Variants in ANKRD17 observed in about 807,000 individuals in gnomAD.
ANKRD17 encodes ankyrin repeat domain-containing protein 17.
ANKRD17 carries 19 observed loss-of-function variants against 229.7 expected under a neutral mutation model. The ratio of observed to expected loss-of-function variants is 0.08; its 90% CI spans 0.06 to 0.12. ANKRD17 has a LOEUF of 0.12. ANKRD17 is among the 10% of genes least tolerant of loss of function. ANKRD17 has a pLI of 1.00. For synonymous variants in ANKRD17, 1,112 were observed against 1,146.1 expected, an observed-to-expected ratio of 0.97 and a Z score of 0.60; for missense variants, 2,176 against 3,176.8, an observed-to-expected ratio of 0.68 and a Z score of 7.57.
Position 73,077,358 on chromosome 4 carries a change from A to G in ANKRD17, c.7584T>C (p.Val2528=). The G allele has an allele frequency of 1.2e-6, 2 of 1,600,612 alleles. No homozygotes were observed. The highest frequency in any genetic ancestry group is 1.1e-5 in the South Asian group (1 of 88,306). ...VPAGYMDFPK[V]GGMPFSVYGN... ...TAGTACAAAATCAGGACTTTACCCC[A>G]ACTTTAGGAAAGTCCATGTAGCCTG... Residue 2528 remains valine (V), a synonymous_variant, in exon 32 of 34, where the codon GTT becomes GTC. Coordinates refer to ENST00000358602, the MANE Select transcript of ANKRD17 (RefSeq NM_032217.5).
intron 1 of ANKRD17, among the ~76,000 whole-genome samples, chr4:73,207,797 AG>A (rs1322986606): frequency 1.3e-5 from 2 of 152,254 alleles, no homozygotes; most frequent in African/African-American, 4.8e-5. Flanking sequence ...CAAATCGGAA[AG>A]GAAGAATGGG....
intron 16 of ANKRD17, among the ~76,000 whole-genome samples, chr4:73,126,921 G>A (rs1432135061): frequency 6.6e-6 from 1 of 151,992 alleles, no homozygotes; most frequent in Non-Finnish European, 1.5e-5. Flanking sequence ...TACTCTACAA[G>A]CAACATGTGA....
rs545122920 is a variant in ANKRD17, at chr4:73,246,357, G to A, written c.393+11919C>T. Reference sequence around the variant, plus strand: ...GGTTGGGTGAAAAGAGGGAGAGATAGTTGTTTATTGCTTTATAGATCACTA... The same window carrying A: ...GGTTGGGTGAAAAGAGGGAGAGATAATTGTTTATTGCTTTATAGATCACTA... On this transcript the variant is annotated intron_variant, in intron 1 of 33. Transcript: ENST00000358602. Among the ~76,000 whole-genome samples the A allele has an allele frequency of 3.4e-4, 52 of 152,290 alleles. 1 individual carries two copies. In the South Asian group the frequency reaches 0.011, roughly 31 times the overall value.
chr4:73,246,034 T>TA (rs1448966286), intron 1 of ANKRD17, among the ~76,000 whole-genome samples: 5 of 152,254 alleles, frequency 3.3e-5, no homozygotes, highest in Admixed American at 2.6e-4. Context: ...CCTAGGGATG[T>TA]CACACCCTCC....
chr4:73,230,338 A>T (rs530911627), intron 1 of ANKRD17, among the ~76,000 whole-genome samples: 2 of 151,978 alleles, frequency 1.3e-5, no homozygotes, highest in South Asian at 4.2e-4. Context: ...TTTTTTGCTT[A>T]AACATTTTTC....
In ANKRD17 at chr4:73,215,351, G is replaced by A. The variant is rs191540249; in HGVS notation, c.394-37818C>T. Among the ~76,000 whole-genome samples, 358 of 151,652 alleles carry A rather than the reference G, an allele frequency of 2.4e-3. 3 individuals are homozygous for A. The highest frequency in any genetic ancestry group is 7.9e-3 in the African/African-American group (328 of 41,328). On this transcript the variant is annotated intron_variant, in intron 1 of 33. Transcript: ENST00000358602. The stretch of plus-strand genomic sequence containing the variant: ...CTCGGCTCACTGCAACCTCCGCCTC[G>A]CGGGTTCAAGTGATTCTCCTGCCTC...
At chr4:73,116,880 T>G (rs550506060) in intron 22 of ANKRD17, among the ~76,000 whole-genome samples, 1 of 152,056 alleles carries the variant, frequency 6.6e-6, no homozygotes, top group African/African-American at 2.4e-5. Flanking sequence ...CTATATAATA[T>G]AGTACTCTAG....
At chr4:73,233,477 TTA>T (rs976718499) in intron 1 of ANKRD17, among the ~76,000 whole-genome samples, 1 of 152,200 alleles carries the variant, frequency 6.6e-6, no homozygotes, top group Non-Finnish European at 1.5e-5. Context: ...AAATTTAATT[TTA>T]TGTTGTTTAG....
At chr4:73,108,053 C>CAGT (rs1179411792) in intron 24 of ANKRD17, among the ~76,000 whole-genome samples, 1 of 152,144 alleles carries the variant, frequency 6.6e-6, no homozygotes, top group Non-Finnish European at 1.5e-5. Context: ...AGCTGGAGTA[C>CAGT]AGTAGCACAA....
At chr4:73,153,246 T>C (rs954428797) in intron 6 of ANKRD17, among the ~76,000 whole-genome samples, 1 of 152,298 alleles carries the variant, frequency 6.6e-6, no homozygotes, top group African/African-American at 2.4e-5. Context: ...GACAACTATA[T>C]AGACAGATGA....
intron 3 of ANKRD17, among the ~76,000 whole-genome samples, chr4:73,159,012 C>A (rs945426192): frequency 6.6e-6 from 1 of 152,226 alleles, no homozygotes; most frequent in Non-Finnish European, 1.5e-5. Context: ...AGATGACCTC[C>A]AACCCAAACA....
intron 1 of ANKRD17, among the ~76,000 whole-genome samples, chr4:73,229,220 CAT>C (rs1408730437): frequency 2.0e-5 from 3 of 152,122 alleles, no homozygotes; most frequent in Non-Finnish European, 4.4e-5. Flanking sequence ...CAACATGGCA[CAT>C]GTATACATAT....
intron 3 of ANKRD17, among the ~76,000 whole-genome samples, chr4:73,158,152 A>AAAAAGAAAGAAAGAAAGAAAG (rs1731955605): frequency 7.8e-6 from 1 of 128,708 alleles, no homozygotes; most frequent in Non-Finnish European, 1.6e-5. Context: ...GAAAGGAAGA[A>AAAAAGAAAGAAAGAAAGAAAG]AAAGAAAGAA....
chr4:73,206,413 A>T (rs1739438994), intron 1 of ANKRD17, among the ~76,000 whole-genome samples: 1 of 146,084 alleles, frequency 6.8e-6, no homozygotes, highest in South Asian at 2.2e-4. Flanking sequence ...AAAGAGAGAG[A>T]GAGAAAGAAA....
At chr4:73,241,411 C>T (rs559057985) in intron 1 of ANKRD17, among the ~76,000 whole-genome samples, 1 of 152,148 alleles carries the variant, frequency 6.6e-6, no homozygotes, top group Non-Finnish European at 1.5e-5. Flanking sequence ...TCTATACATA[C>T]AATGGAATAT....
intron 2 of ANKRD17, among the ~76,000 whole-genome samples, chr4:73,169,483 A>G (rs1028437629): frequency 1.3e-5 from 2 of 151,996 alleles, no homozygotes; most frequent in Non-Finnish European, 2.9e-5. Flanking sequence ...GAAAAAAAAA[A>G]GTCTGGCTGG....
At chr4:73,167,870 C>T (rs1019521945) in intron 2 of ANKRD17, among the ~76,000 whole-genome samples, 4 of 151,928 alleles carry the variant, frequency 2.6e-5, no homozygotes, top group African/African-American at 4.8e-5. Context: ...ATTTAAATAC[C>T]GGTTGGGCAC....
At chr4:73,158,436 A>G (rs1165458900) in intron 3 of ANKRD17, among the ~76,000 whole-genome samples, 1 of 152,062 alleles carries the variant, frequency 6.6e-6, no homozygotes, top group Admixed American at 6.6e-5. Flanking sequence ...CCAACCTCCA[A>G]ATATTTGCAT....
chr4:73,213,300 TC>T (rs1165349705), intron 1 of ANKRD17, among the ~76,000 whole-genome samples: 1 of 152,078 alleles, frequency 6.6e-6, no homozygotes, highest in African/African-American at 2.4e-5. Context: ...AGTGAGAAGG[TC>T]TGTGTGAAAT....
Sources: gnomAD v4.1 joint callset for allele counts (sites outside exome capture counted in the v4.1 genomes callset) on GRCh38, gnomAD v4.1.1 for gene constraint, MANE v1.5 for transcripts, NCBI Gene and HGNC (gene_info 2026-07-23, HGNC 2026-07-21) for gene names.